The following HMCN1 variants were observed in gnomAD, a reference collection of about 807,000 sequenced individuals.
HMCN1 encodes hemicentin-1.
HMCN1 carries 321 observed loss-of-function variants against 625.9 expected under a neutral mutation model. The ratio of observed to expected loss-of-function variants is 0.51; its 90% CI spans 0.47 to 0.56. The LOEUF (loss-of-function observed/expected upper bound fraction) is 0.56, where lower values mean the gene tolerates loss of function less well. Among genes scored for constraint, HMCN1 ranks in the 20% least tolerant of loss-of-function variants. The probability of loss-of-function intolerance (pLI) is 0.00; values close to 1 mark genes in which losing one functional copy is unlikely to be tolerated. For missense variants in HMCN1, 6,588 were observed against 6,887.3 expected, an observed-to-expected ratio of 0.96 and a Z score of 1.54; for synonymous variants, 2,425 against 2,417.6, an observed-to-expected ratio of 1.00 and a Z score of -0.09.
chr1:185,736,269 CACAT>C (rs1168504423), intron 1 of HMCN1, among the ~76,000 whole-genome samples: 5 of 152,020 alleles, frequency 3.3e-5, no homozygotes, highest in Non-Finnish European at 7.4e-5. Flanking sequence ...CACACACATA[CACAT>C]ACATACATTA....
intron 51 of HMCN1, among the ~76,000 whole-genome samples, 175 bp downstream of exon 51, chr1:186,069,951 G>T (rs1465222447): frequency 1.3e-5 from 2 of 152,172 alleles, no homozygotes; most frequent in Non-Finnish European, 2.9e-5. Context: ...GGCCTCAATT[G>T]CTTCAAGATG....
At chr1:186,063,066 G>GAATA in intron 48 of HMCN1, among the ~76,000 whole-genome samples, 1 of 29,940 alleles carries the variant, frequency 3.3e-5, no homozygotes, top group Non-Finnish European at 6.0e-5. Context: ...GTGTGTGTGT[G>GAATA]CATATATATA....
chr1:185,843,788 A>C (rs1661638229), intron 1 of HMCN1, among the ~76,000 whole-genome samples: 1 of 152,170 alleles, frequency 6.6e-6, no homozygotes, highest in African/African-American at 2.4e-5. Context: ...TGTGGCTTGC[A>C]AAAATGTTTA....
Position 186,130,586 on chromosome 1 carries a change from G to A in HMCN1, c.13119G>A (p.Val4373=), listed in dbSNP as rs754860501. 8.7e-6 allele frequency: 14 copies of A among 1,613,474 alleles called. No individual in the cohort carries two copies. The South Asian group carries it at 1.5e-4, about 18-fold the overall frequency. Residue 4373 remains valine, a synonymous_variant, in exon 85 of 107, where the codon GTG becomes GTA. Transcript: ENST00000271588. Reference sequence around the variant, plus strand: ...GGAATGCAATCCTGAATTGTGAGGTGAAAGGAGACCCCACCCCAACCATCC... The same window carrying A: ...GGAATGCAATCCTGAATTGTGAGGTAAAAGGAGACCCCACCCCAACCATCC... ...LGGNAILNCE[V]KGDPTPTIQW...
chr1:186,063,096 A>ATATATATATATATATATATATATATG (rs1185102259), intron 48 of HMCN1, among the ~76,000 whole-genome samples: 31 of 115,396 alleles, frequency 2.7e-4, no homozygotes, highest in African/African-American at 1.1e-3. Flanking sequence ...ATATATATAT[A>ATATATATATATATATATATATATATG]TATATATCAC....
chr1:185,828,145 G>C (rs1198529652), intron 1 of HMCN1, among the ~76,000 whole-genome samples: 2 of 152,128 alleles, frequency 1.3e-5, no homozygotes, highest in African/African-American at 4.8e-5. Context: ...ATGAGCATTG[G>C]ATTTATGCAA....
chr1:185,889,407 T>G (rs1664897120), intron 4 of HMCN1, among the ~76,000 whole-genome samples: 1 of 147,742 alleles, frequency 6.8e-6, no homozygotes, highest in Non-Finnish European at 1.5e-5. Flanking sequence ...AGGGAATGCT[T>G]CCAGTTTTTG....
At chr1:185,826,037 C>G (rs147445291) in intron 1 of HMCN1, among the ~76,000 whole-genome samples, 268 of 152,190 alleles carry the variant, frequency 1.8e-3, no homozygotes, top group Non-Finnish European at 2.9e-3. Flanking sequence ...CAAATCTGGG[C>G]TGTGCTATTC....
intron 101 of HMCN1, 74 bp from the exon 102 acceptor site, chr1:186,171,932 C>G (rs1652256820): frequency 6.8e-7 from 1 of 1,459,976 alleles, no homozygotes; most frequent in African/African-American, 1.4e-5. Flanking sequence ...CCCTAAAATC[C>G]AAAAGTATGA....
chr1:185,756,310 T>G (rs887415390), intron 1 of HMCN1, among the ~76,000 whole-genome samples: 12 of 152,096 alleles, frequency 7.9e-5, no homozygotes, highest in Admixed American at 2.0e-4. Context: ...TTCATACCTT[T>G]TCTGCCATTG....
chr1:185,892,959 C>T (rs182219675), intron 4 of HMCN1, among the ~76,000 whole-genome samples: 9 of 152,090 alleles, frequency 5.9e-5, no homozygotes, highest in Non-Finnish European at 7.4e-5. Context: ...TAGCAATCAG[C>T]GAGACTCCGT....
At chr1:186,128,715 A>G (rs1468395427) in intron 83 of HMCN1, among the ~76,000 whole-genome samples, 1 of 152,020 alleles carries the variant, frequency 6.6e-6, no homozygotes, top group Non-Finnish European at 1.5e-5. Context: ...AACCTCTATT[A>G]TAGTGTAGAT....
chr1:185,759,108 TATAAAC>T (rs1655319750), intron 1 of HMCN1, among the ~76,000 whole-genome samples: 1 of 152,228 alleles, frequency 6.6e-6, no homozygotes, highest in Non-Finnish European at 1.5e-5. Flanking sequence ...AATATAGACA[TATAAAC>T]ATAACTTGGC....
chr1:186,022,997 C>A (rs1654815946), intron 35 of HMCN1, 33 bp from the exon 36 acceptor site: 8 of 1,608,552 alleles, frequency 5.0e-6, no homozygotes, highest in Middle Eastern at 1.7e-4. Context: ...GTATAAGATA[C>A]AAAAATCCTC....
intron 1 of HMCN1, among the ~76,000 whole-genome samples, chr1:185,765,759 C>T (rs1655834429): frequency 6.6e-6 from 1 of 152,186 alleles, no homozygotes; most frequent in African/African-American, 2.4e-5. Context: ...TCAGCATTAA[C>T]TGGGAACTTA....
chr1:185,957,692 T>C (rs1176246640), intron 11 of HMCN1, among the ~76,000 whole-genome samples: 1 of 152,214 alleles, frequency 6.6e-6, no homozygotes, highest in Non-Finnish European at 1.5e-5. Flanking sequence ...CTTGATGTTT[T>C]TCTGTATGAA....
chr1:185,920,887 G>GA (rs1666972864), intron 6 of HMCN1, among the ~76,000 whole-genome samples: 1 of 152,056 alleles, frequency 6.6e-6, no homozygotes, highest in Non-Finnish European at 1.5e-5. Context: ...TGATGTTAGT[G>GA]AAAAAATAAA....
At chr1:186,159,243 T>G (rs1448445019) in intron 97 of HMCN1, among the ~76,000 whole-genome samples, 1 of 152,186 alleles carries the variant, frequency 6.6e-6, no homozygotes, top group Non-Finnish European at 1.5e-5. Context: ...GTTATTGGTG[T>G]GCTTGTGATT....
intron 4 of HMCN1, among the ~76,000 whole-genome samples, chr1:185,886,185 A>G (rs1010261952): frequency 6.6e-6 from 1 of 151,636 alleles, no homozygotes; most frequent in African/African-American, 2.4e-5. Context: ...TCAAATACTT[A>G]TAGCCTTTTT....
Sources: gnomAD v4.1 joint callset for allele counts (sites outside exome capture counted in the v4.1 genomes callset) on GRCh38, gnomAD v4.1.1 for gene constraint, MANE v1.5 for transcripts, NCBI Gene and HGNC (gene_info 2026-07-23, HGNC 2026-07-21) for gene names.